The following STAB2 variants were observed in gnomAD, a reference collection of about 807,000 sequenced individuals.
STAB2 encodes stabilin 2, also known as stabilin-2.
In STAB2, 288 loss-of-function variants were observed where a neutral mutation model predicts 338.1. The observed-to-expected ratio is 0.85, with a 90% CI of 0.77 to 0.94. STAB2 has a LOEUF of 0.94. Among genes scored for constraint, STAB2 ranks in the 40% least tolerant of loss-of-function variants. The pLI, the probability that STAB2 is intolerant of heterozygous loss-of-function variation, is 0.00. For missense variants in STAB2, 3,141 were observed against 3,210.1 expected, an observed-to-expected ratio of 0.98 and a Z score of 0.52; for synonymous variants, 1,202 against 1,193.3, an observed-to-expected ratio of 1.01 and a Z score of -0.15.
Position 103,749,132 on chromosome 12 carries a change from C to A in STAB2, c.6414C>A (p.His2138Gln). 6.2e-7 allele frequency: 1 copy of A among 1,606,228 alleles called. No homozygotes were observed. The change falls in exon 59 of 69, where the codon CAC (histidine) becomes CAA (glutamine). Residue 2138 changes from histidine (H) to glutamine (Q), a missense_variant. Transcript: ENST00000388887. ...ADGLNGGCHE[H>Q]ATCKMTGPGK... ...GCCTTAACGGAGGGTGTCACGAGCACGCCACCTGTAAGATGACAGGCCCGG... is the reference window on the plus strand; with the variant it reads ...GCCTTAACGGAGGGTGTCACGAGCAAGCCACCTGTAAGATGACAGGCCCGG...
chr12:103,725,650 A>G (rs1593288222), intron 45 of STAB2, among the ~76,000 whole-genome samples: 1 of 151,574 alleles, frequency 6.6e-6, no homozygotes, highest in Non-Finnish European at 1.5e-5. Context: ...GCATGTGTGT[A>G]TGCACGTGTG....
At chr12:103,623,790 G>A (rs529857757) in intron 5 of STAB2, among the ~76,000 whole-genome samples, 2 of 152,286 alleles carry the variant, frequency 1.3e-5, no homozygotes, top group East Asian at 1.9e-4. Flanking sequence ...GTCAAGTGGG[G>A]AGAGTTTTTC....
intron 25 of STAB2, among the ~76,000 whole-genome samples, chr12:103,678,530 C>A (rs1453397488): frequency 6.6e-6 from 1 of 151,954 alleles, no homozygotes; most frequent in African/African-American, 2.4e-5. Flanking sequence ...GGAGATCTGC[C>A]CTATTTTATT....
intron 67 of STAB2, among the ~76,000 whole-genome samples, chr12:103,763,024 C>T (rs1884658362): frequency 6.6e-6 from 1 of 152,252 alleles, no homozygotes; most frequent in Admixed American, 6.5e-5. Context: ...TGGTGCAGAG[C>T]CCCCAAGCAG....
At chr12:103,615,886 C>T (rs1444602222) in intron 3 of STAB2, among the ~76,000 whole-genome samples, 2 of 152,134 alleles carry the variant, frequency 1.3e-5, no homozygotes, top group Non-Finnish European at 1.5e-5. Context: ...GAAACTGCCC[C>T]ATGATCCAAT....
chr12:103,646,297 C>T (rs1873324882), intron 9 of STAB2, among the ~76,000 whole-genome samples: 1 of 152,228 alleles, frequency 6.6e-6, no homozygotes, highest in Non-Finnish European at 1.5e-5. Context: ...TGCCCTATAG[C>T]ATCCTATTCA....
chr12:103,620,508 C>T lies in STAB2; in HGVS notation c.372C>T (p.Gly124=). The T allele has an allele frequency of 1.9e-6, 3 of 1,584,044 alleles. No individual in the cohort carries two copies. Among genetic ancestry groups the T allele is most frequent in the South Asian group, 1.2e-5 (1 of 86,700 alleles). The change falls in exon 4 of 69, where the codon GGC becomes GGT. Residue 124 remains glycine, a synonymous_variant. Transcript: ENST00000388887. ...GGAGSPCNGR[G]SCAEGMEGNG... is the part of the protein sequence containing the mutation. ...CGGGGTCACCCTGCAATGGCAGAGG[C>T]AGTTGTGCTGAAGGCATGGAAGGAA... is the stretch of plus-strand genomic sequence containing the variant.
chr12:103,668,281 A>G (rs1875356763), intron 19 of STAB2, among the ~76,000 whole-genome samples: 3 of 152,052 alleles, frequency 2.0e-5, no homozygotes, highest in South Asian at 4.2e-4. Flanking sequence ...GGGGGCTCCA[A>G]AATGTCTCTG....
Position 103,715,894 on chromosome 12 carries a change from T to A in STAB2, c.4611+6T>A. On this transcript the variant is annotated splice_donor_region_variant and intron_variant, in intron 43 of 68. Coordinates refer to ENST00000388887, the MANE Select transcript of STAB2 (RefSeq NM_017564.10). Reference sequence around the variant, plus strand: ...CACAGACAGGACCCAACCAGGTGAGTGCCACCTCTCCCAGGCCCTTAGGTT... The same window carrying A: ...CACAGACAGGACCCAACCAGGTGAGAGCCACCTCTCCCAGGCCCTTAGGTT... The A allele has an allele frequency of 6.2e-7, 1 of 1,613,818 alleles. No individual in the cohort carries two copies. Among genetic ancestry groups the A allele is most frequent in the Non-Finnish European group, 8.5e-7 (1 of 1,179,834 alleles).
chr12:103,642,260 A>G lies in STAB2; in HGVS notation c.1040+2004A>G, dbSNP rs117398420. Among the ~76,000 whole-genome samples the G allele has an allele frequency of 1.4e-4, 22 of 152,310 alleles. No individual in the cohort carries two copies. In the East Asian group the frequency reaches 4.2e-3, roughly 29 times the overall value. On this transcript the variant is annotated intron_variant, in intron 9 of 68. Transcript: ENST00000388887. ...ATGCTTTGCCTTTTTACTTTTACTTATTAATAGATGTAGGAAGTAAGGGAC... is the reference window on the plus strand; with the variant it reads ...ATGCTTTGCCTTTTTACTTTTACTTGTTAATAGATGTAGGAAGTAAGGGAC...
At chr12:103,588,976 A>G (rs1431451924) in intron 1 of STAB2, among the ~76,000 whole-genome samples, 1 of 152,218 alleles carries the variant, frequency 6.6e-6, no homozygotes, top group East Asian at 1.9e-4. Context: ...TGCAGGAAAG[A>G]GAAAGGGCTA....
chr12:103,625,614 GT>G (rs1219821858), intron 5 of STAB2, among the ~76,000 whole-genome samples: 2 of 152,056 alleles, frequency 1.3e-5, no homozygotes, highest in Non-Finnish European at 1.5e-5. Context: ...GCGGTGTTTG[GT>G]TTTTTGTCCC....
chr12:103,713,889 A>T (rs943474079), intron 42 of STAB2, 121 bp downstream of exon 42: 51 of 1,483,530 alleles, frequency 3.4e-5, no homozygotes, highest in Non-Finnish European at 4.5e-5. Flanking sequence ...TCCATTTGCC[A>T]GGGCAGGAAA....
At chr12:103,689,163 C>T (rs1221408775) in intron 28 of STAB2, among the ~76,000 whole-genome samples, 1 of 152,178 alleles carries the variant, frequency 6.6e-6, no homozygotes, top group Non-Finnish European at 1.5e-5. Context: ...AGTCTCCCCA[C>T]CATCCTTACT....
intron 3 of STAB2, among the ~76,000 whole-genome samples, chr12:103,606,101 T>C (rs1322006753): frequency 6.6e-6 from 1 of 152,134 alleles, no homozygotes; most frequent in East Asian, 1.9e-4. Context: ...TTTAGGATCC[T>C]CTTTTGTCTC....
chr12:103,688,697 C>A lies in STAB2; in HGVS notation c.3045+482C>A, dbSNP rs75272683. ...AGTCCATGCCTGGTCAGCACCCACC[C>A]CAGGACAGCTTCCTGTTGCTTCTGT... On this transcript the variant is annotated intron_variant, in intron 28 of 68. Coordinates refer to ENST00000388887, the MANE Select transcript of STAB2 (RefSeq NM_017564.10). Among the ~76,000 whole-genome samples, 267 of 152,300 alleles carry A rather than the reference C, an allele frequency of 1.8e-3. 2 individuals are homozygous for A. Among genetic ancestry groups the A allele is most frequent in the African/African-American group, 6.1e-3 (254 of 41,560 alleles).
intron 28 of STAB2, among the ~76,000 whole-genome samples, chr12:103,688,518 C>T (rs1035899586): frequency 2.0e-5 from 3 of 152,190 alleles, no homozygotes; most frequent in African/African-American, 7.2e-5. Context: ...GTTAACATGA[C>T]TCATCATTGT....
At chr12:103,594,579 A>C in intron 3 of STAB2, 69 bp downstream of exon 3, 2 of 1,180,784 alleles carry the variant, frequency 1.7e-6, no homozygotes, top group Admixed American at 1.7e-5. Context: ...AATTGAGATG[A>C]AGGAAGCCCA....
In STAB2 at chr12:103,674,058, C is replaced by T. The variant is rs1235244285; in HGVS notation, c.2523C>T (p.Ala841=). Residue 841 remains alanine (A), a synonymous_variant, in exon 23 of 69, where the codon GCC becomes GCT. Transcript: ENST00000388887. ...GPYVQFCHIH[A]TCEYSNGTAS... ...ACGTGCAGTTCTGTCACATCCACGCCACCTGTGAATACAGCAATGGGACAG... is the reference window on the plus strand; with the variant it reads ...ACGTGCAGTTCTGTCACATCCACGCTACCTGTGAATACAGCAATGGGACAG... The T allele has an allele frequency of 6.2e-7, 1 of 1,613,290 alleles. No individual in the cohort carries two copies. The highest frequency in any genetic ancestry group is 8.5e-7 in the Non-Finnish European group (1 of 1,179,424).
Sources: allele counts gnomAD v4.1 joint callset (sites outside exome capture counted in the v4.1 genomes callset), GRCh38; gene constraint gnomAD v4.1.1; transcripts MANE v1.5; gene names NCBI Gene and HGNC (gene_info 2026-07-23, HGNC 2026-07-21).